The following MIAT variants were observed in gnomAD, a reference collection of about 807,000 sequenced individuals.
MIAT encodes MI related novel mRNA.
intron 2 of MIAT, among the ~76,000 whole-genome samples, chr22:26,655,562 A>C (rs1307335522): frequency 6.6e-6 from 1 of 152,198 alleles, no homozygotes; most frequent in African/African-American, 2.4e-5. Flanking sequence ...TAGCCTGATG[A>C]TGTGGATTCC....
rs374950775 is a variant in MIAT at position 26,659,504 on chromosome 22, G to T, written n.647-3812G>T. ...CCCAAAACAACCATAACCCCTTACC[G>T]CCAGCTTTAGGAGAATAATTCTCTA... is the stretch of plus-strand genomic sequence containing the variant. On this transcript the variant is annotated intron_variant and non_coding_transcript_variant, in intron 2 of 5. Coordinates refer to ENST00000643270, the Ensembl canonical transcript of MIAT. Among the ~76,000 whole-genome samples the T allele has an allele frequency of 4.6e-5, 7 of 151,970 alleles. 1 individual carries two copies. Among genetic ancestry groups the T allele is most frequent in the African/African-American group, 4.8e-5 (2 of 41,420 alleles).
exon 4 of MIAT, chr22:26,666,757 G>A: frequency 2.5e-6 from 1 of 398,772 alleles, no homozygotes; most frequent in East Asian, 3.6e-5. Context: ...CCTGGCTCCT[G>A]GTCCTTCTTT....
At position 26,667,333 on chromosome 22, in the gene MIAT, A is replaced by AGTGTGTGTGTGTGTGTGTGTGTGTGT. The variant is rs61442362; in HGVS notation, n.2262+44_2262+45insTGTGTGTGTGTGTGTGTGTGTGTGTG. The AGTGTGTGTGTGTGTGTGTGTGTGTGT allele has an allele frequency of 1.1e-3, 413 of 390,898 alleles. 1 individual carries two copies. Among genetic ancestry groups the AGTGTGTGTGTGTGTGTGTGTGTGTGT allele is most frequent in the African/African-American group, 8.2e-3 (392 of 47,626 alleles). 24.2% of individuals were successfully genotyped at this position (390,898 alleles called of 1,614,324 possible). ...GGGGTGAGCTCCTCGTCCTGGGAGC[A>AGTGTGTGTGTGTGTGTGTGTGTGTGT]GTGTGTGTGTGTGTGTGTGTGCGTG... On this transcript the variant is annotated intron_variant and non_coding_transcript_variant, in intron 5 of 5. Coordinates refer to ENST00000643270, the Ensembl canonical transcript of MIAT.
exon 5 of MIAT, chr22:26,676,083 T>C: frequency 2.5e-6 from 1 of 398,620 alleles, no homozygotes; most frequent in East Asian, 3.6e-5. Flanking sequence ...AGCTGAGGAA[T>C]TGGCCTCCCA....
At chr22:26,671,555 A>C (rs1931048821), downstream of MIAT, 1 of 398,726 alleles carries the variant, frequency 2.5e-6, no homozygotes, top group Non-Finnish European at 4.4e-6. Flanking sequence ...CTAACTGTGC[A>C]GCTCATGGGC....
chr22:26,674,870 G>A, exon 5 of MIAT: 1 of 398,640 alleles, frequency 2.5e-6, no homozygotes, highest in East Asian at 3.6e-5. Flanking sequence ...ACTGCTCTGG[G>A]CGCTGGGACC....
chr22:26,665,291 A>AAAGAAAGAAAGAAAG (rs1569221748), intron 3 of MIAT, among the ~76,000 whole-genome samples: 3 of 97,234 alleles, frequency 3.1e-5, no homozygotes, highest in South Asian at 3.8e-4. Context: ...AAGAAAGAAA[A>AAAGAAAGAAAGAAAG]ACAATTAACT....
At chr22:26,660,579 C>T (rs1930629191) in intron 2 of MIAT, 1 of 151,818 alleles carries the variant, frequency 6.6e-6, no homozygotes, top group Admixed American at 6.6e-5. Flanking sequence ...TTGCAGAAAT[C>T]ATTATGAGAG....
intron 2 of MIAT, among the ~76,000 whole-genome samples, chr22:26,648,314 A>G (rs1337231446): frequency 6.6e-6 from 1 of 152,176 alleles, no homozygotes; most frequent in Non-Finnish European, 1.5e-5. Context: ...TGGACACAAA[A>G]GGCCAGACAA....
At chr22:26,647,213 CT>C (rs1357969204) in exon 2 of MIAT, 59 of 398,572 alleles carry the variant, frequency 1.5e-4, no homozygotes, top group African/African-American at 1.2e-3. Context: ...GCATTGGAAG[CT>C]TCAAGATTTA....
At chr22:26,673,476 G>A (rs5761672), downstream of MIAT, 170,775 of 398,540 alleles carry the variant, frequency 0.43, 38,041 homozygotes, top group South Asian at 0.49. Context: ...GGCCCTGACC[G>A]GTTCTTAATT....
At chr22:26,668,431 T>G (rs1930928830) in exon 6 of MIAT, 2 of 398,722 alleles carry the variant, frequency 5.0e-6, no homozygotes, top group Non-Finnish European at 8.8e-6. Context: ...AGCCCACTAC[T>G]CCCTCCTCAC....
intron 2 of MIAT, among the ~76,000 whole-genome samples, chr22:26,647,657 A>G (rs1204406385): frequency 6.6e-6 from 1 of 152,092 alleles, no homozygotes; most frequent in African/African-American, 2.4e-5. Context: ...AAGGGAAGGT[A>G]AAGGTTGCTC....
chr22:26,651,342 AG>A (rs1930333003), intron 2 of MIAT, among the ~76,000 whole-genome samples: 1 of 152,228 alleles, frequency 6.6e-6, no homozygotes, highest in African/African-American at 2.4e-5. Context: ...AGTCTCCATC[AG>A]TAACATGGCT....
At chr22:26,672,723 G>T, downstream of MIAT, 1 of 399,086 alleles carries the variant, frequency 2.5e-6, no homozygotes. Context: ...AATTAGCAGA[G>T]GGGCGTGTCC....
exon 6 of MIAT, chr22:26,668,774 T>C: frequency 5.0e-6 from 2 of 399,372 alleles, no homozygotes; most frequent in Non-Finnish European, 8.8e-6. Context: ...TCCATGCTTT[T>C]CCTCTCCCTG....
chr22:26,662,719 G>A (rs1202625712), intron 2 of MIAT, among the ~76,000 whole-genome samples: 3 of 152,112 alleles, frequency 2.0e-5, no homozygotes, highest in South Asian at 2.1e-4. Flanking sequence ...TCTCTTGTAC[G>A]TCTCAGATCT....
intron 2 of MIAT, among the ~76,000 whole-genome samples, chr22:26,647,927 G>T (rs1930265838): frequency 6.6e-6 from 1 of 152,108 alleles, no homozygotes; most frequent in Non-Finnish European, 1.5e-5. Context: ...TGTGAAACTG[G>T]AGGAAGGGTG....
intron 5 of MIAT, chr22:26,667,826 A>T (rs778651521): frequency 2.1e-4 from 39 of 185,506 alleles, no homozygotes; most frequent in Non-Finnish European, 7.7e-5. Flanking sequence ...CTACAGGTGC[A>T]TGCTACCATG....
Sources: allele counts gnomAD v4.1 joint callset (sites outside exome capture counted in the v4.1 genomes callset), GRCh38; gene constraint gnomAD v4.1.1; transcripts MANE v1.5; gene names NCBI Gene and HGNC (gene_info 2026-07-23, HGNC 2026-07-21).